The following FAM174A variants were observed in gnomAD, a reference collection of about 807,000 sequenced individuals.
FAM174A encodes family with sequence similarity 174 member A.
A neutral mutation model predicts 14.3 loss-of-function variants in FAM174A; 14 were observed. The ratio of observed to expected loss-of-function variants is 0.98; its 90% CI spans 0.65 to 1.53. The LOEUF (loss-of-function observed/expected upper bound fraction) is 1.53. Ranked by LOEUF, FAM174A falls within the 40% of genes most tolerant of loss-of-function variation. The pLI is 0.00. For synonymous variants in FAM174A, 108 were observed against 111.4 expected, an observed-to-expected ratio of 0.97 and a Z score of 0.19; for missense variants, 241 against 249.6, an observed-to-expected ratio of 0.97 and a Z score of 0.23.
Position 100,562,258 on chromosome 5 carries a change from A to T in FAM174A, c.569+70A>T, listed in dbSNP as rs1746541117. The T allele has an allele frequency of 2.1e-6, 3 of 1,398,462 alleles. No individual in the cohort carries two copies. In the African/African-American group the frequency reaches 4.5e-5, roughly 21 times the overall value. 86.6% of individuals were successfully genotyped at this position (1,398,462 alleles called of 1,614,324 possible). A position where few individuals can be genotyped will look rare whatever the true frequency, so the allele number is the denominator to read the frequency against. On this transcript the variant is annotated intron_variant, in intron 2 of 2. Transcript: ENST00000312637. ...CTTGCCAAGTAAACTGAAGAAGTAA[A>T]GTAGACTTTCATTTAACAGCTTATA...
chr5:100,581,694 C>T (rs932289402), intron 2 of FAM174A, among the ~76,000 whole-genome samples: 3 of 152,040 alleles, frequency 2.0e-5, no homozygotes, highest in Non-Finnish European at 2.9e-5. Flanking sequence ...TGAGTCATGC[C>T]AGGGAGGGAG....
At chr5:100,544,462 G>A (rs1387553032) in intron 1 of FAM174A, among the ~76,000 whole-genome samples, 2 of 152,004 alleles carry the variant, frequency 1.3e-5, no homozygotes, top group Non-Finnish European at 2.9e-5. Flanking sequence ...AAGGAGAGGA[G>A]AGAGAGGGGG....
chr5:100,578,661 T>C (rs528746320), intron 2 of FAM174A, among the ~76,000 whole-genome samples: 1 of 152,316 alleles, frequency 6.6e-6, no homozygotes, highest in African/African-American at 2.4e-5. Flanking sequence ...ATATTTTTTC[T>C]CTATTTTTTT....
intron 2 of FAM174A, among the ~76,000 whole-genome samples, chr5:100,568,942 A>G (rs572355645): frequency 2.7e-5 from 4 of 145,688 alleles, no homozygotes; most frequent in Non-Finnish European, 4.5e-5. Flanking sequence ...TCCTATTTTT[A>G]TTTTATTTTA....
At chr5:100,548,530 C>A (rs1003061253) in intron 1 of FAM174A, among the ~76,000 whole-genome samples, 1 of 151,916 alleles carries the variant, frequency 6.6e-6, no homozygotes, top group Non-Finnish European at 1.5e-5. Flanking sequence ...AATTTTTTGA[C>A]CTTCATTAAA....
In FAM174A at chr5:100,586,694, T is replaced by G. The variant is rs1344032743; in HGVS notation, c.*510T>G. The G allele has an allele frequency of 6.6e-6, 1 of 152,194 alleles. No individual in the cohort carries two copies. Among genetic ancestry groups the G allele is most frequent in the East Asian group, 1.9e-4 (1 of 5,208 alleles). The allele number at this position is 152,194 out of a possible 1,614,324, so 9.4% of individuals were successfully genotyped here. The stretch of plus-strand genomic sequence containing the variant: ...GGTTTTTAAAATATTAAGAAATGTC[T>G]AAGTTATTGTTTGCAAAACAATAAA... On this transcript the variant is annotated 3_prime_UTR_variant, in exon 3 of 3. Coordinates refer to ENST00000312637, the MANE Select transcript of FAM174A (RefSeq NM_198507.3).
chr5:100,557,516 A>G (rs1489995375), intron 1 of FAM174A, among the ~76,000 whole-genome samples: 1 of 152,164 alleles, frequency 6.6e-6, no homozygotes, highest in East Asian at 1.9e-4. Context: ...GAATGGTATC[A>G]GCTCCTCCTT....
rs990568582 is a variant in FAM174A at position 100,556,672 on chromosome 5, A to G, written c.435-5382A>G. 1.7e-3 allele frequency among the ~76,000 whole-genome samples: 259 copies of G among 152,062 alleles called. 1 individual carries two copies. Among genetic ancestry groups the G allele is most frequent in the African/African-American group, 5.9e-3 (246 of 41,488 alleles). The stretch of plus-strand genomic sequence containing the variant: ...AGGTCCTTCACGTCCCTTGTAAGTT[A>G]GATTCCTAGGTATTTTATTCTCTTT... On this transcript the variant is annotated intron_variant, in intron 1 of 2. Coordinates refer to ENST00000312637, the MANE Select transcript of FAM174A (RefSeq NM_198507.3).
At chr5:100,537,364 C>G (rs187892940) in intron 1 of FAM174A, among the ~76,000 whole-genome samples, 8 of 151,718 alleles carry the variant, frequency 5.3e-5, no homozygotes, top group Non-Finnish European at 7.4e-5. Context: ...ACGTTTTTTT[C>G]TTTTTTGAAA....
At chr5:100,554,298 C>T (rs948399061) in intron 1 of FAM174A, among the ~76,000 whole-genome samples, 3 of 147,714 alleles carry the variant, frequency 2.0e-5, no homozygotes, top group African/African-American at 7.5e-5. Flanking sequence ...TAACTTCCCT[C>T]TATTTTTCTA....
intron 1 of FAM174A, among the ~76,000 whole-genome samples, chr5:100,536,865 A>G (rs1745951955): frequency 1.3e-5 from 2 of 152,248 alleles, no homozygotes; most frequent in African/African-American, 4.8e-5. Context: ...AACCAACATC[A>G]CTTGGCTAGT....
chr5:100,542,577 C>T (rs954428866), intron 1 of FAM174A, among the ~76,000 whole-genome samples: 1 of 152,178 alleles, frequency 6.6e-6, no homozygotes. Context: ...TTTCAATTTA[C>T]CTTCAACACT....
At chr5:100,576,884 C>G (rs1266901018) in intron 2 of FAM174A, among the ~76,000 whole-genome samples, 1 of 152,174 alleles carries the variant, frequency 6.6e-6, no homozygotes, top group Non-Finnish European at 1.5e-5. Context: ...AATCTCAGTT[C>G]TTGGACTGTT....
chr5:100,542,902 G>A lies in FAM174A; in HGVS notation c.434+6938G>A, dbSNP rs571663005. Reference sequence around the variant, plus strand: ...ACACATGTGTAGGGGGTATATGTGTGTGTGTATATATATGTGTGTGTGTAA... The same window carrying A: ...ACACATGTGTAGGGGGTATATGTGTATGTGTATATATATGTGTGTGTGTAA... On this transcript the variant is annotated intron_variant, in intron 1 of 2. Coordinates refer to ENST00000312637, the MANE Select transcript of FAM174A (RefSeq NM_198507.3). Among the ~76,000 whole-genome samples the A allele has an allele frequency of 2.6e-5, 4 of 151,932 alleles. 1 individual carries two copies. In the South Asian group the frequency reaches 8.3e-4, roughly 32 times the overall value.
chr5:100,567,784 C>G (rs1250131942), intron 2 of FAM174A, among the ~76,000 whole-genome samples: 1 of 151,812 alleles, frequency 6.6e-6, no homozygotes. Flanking sequence ...AGTTAATGCT[C>G]TCTCCTAAAA....
At chr5:100,563,746 A>G (rs146298677) in intron 2 of FAM174A, among the ~76,000 whole-genome samples, 42 of 152,026 alleles carry the variant, frequency 2.8e-4, no homozygotes, top group African/African-American at 9.9e-4. Context: ...AGGTCACAAA[A>G]CAAGTCTTAA....
Position 100,572,562 on chromosome 5 carries a change from C to A in FAM174A, c.569+10374C>A, listed in dbSNP as rs561208112. On this transcript the variant is annotated intron_variant, in intron 2 of 2. Transcript: ENST00000312637. ...TGATGATTTCCAATTTCATTCATGTCCCTACAAAGGACATGAACTCATCAT... is the reference window on the plus strand; with the variant it reads ...TGATGATTTCCAATTTCATTCATGTACCTACAAAGGACATGAACTCATCAT... Among the ~76,000 whole-genome samples the A allele has an allele frequency of 4.6e-5, 7 of 151,874 alleles. No homozygotes were observed. In the South Asian group the frequency reaches 1.5e-3, roughly 32 times the overall value.
Position 100,562,077 on chromosome 5 carries a change from CT to C in FAM174A, c.459del (p.Arg154GlyfsTer10), listed in dbSNP as rs751014361. Reference protein sequence around the residue: ...TVRMRRRNRKTRRYGVLDTNI... With the variant: ...TVRMRRRNRKXRRYGVLDTNI... ...AGGATGAGAAGAAGAAACCGAAAGA[CT>C]AGGAGATATGGAGTTTTGGACACTA... On this transcript the variant is annotated frameshift_variant, in exon 2 of 3. Transcript: ENST00000312637. LOFTEE classifies it high-confidence loss of function. The C allele has an allele frequency of 6.3e-7, 1 of 1,578,300 alleles. No individual in the cohort carries two copies. Among genetic ancestry groups the C allele is most frequent in the East Asian group, 2.4e-5 (1 of 42,352 alleles).
At chr5:100,571,692 A>ATATATG in intron 2 of FAM174A, among the ~76,000 whole-genome samples, 1 of 146,156 alleles carries the variant, frequency 6.8e-6, no homozygotes, top group Middle Eastern at 3.7e-3. Flanking sequence ...ATATATATAT[A>ATATATG]CACACACACA....
Sources: gnomAD v4.1 joint callset for allele counts (sites outside exome capture counted in the v4.1 genomes callset) on GRCh38, gnomAD v4.1.1 for gene constraint, MANE v1.5 for transcripts, NCBI Gene and HGNC (gene_info 2026-07-23, HGNC 2026-07-21) for gene names.